The following KCNB2 variants were observed in gnomAD, a reference collection of about 807,000 sequenced individuals.
KCNB2 encodes the protein delayed rectifier potassium channel protein.
KCNB2 carries 15 observed loss-of-function variants against 61.5 expected under a neutral mutation model. The ratio of observed to expected loss-of-function variants is 0.24; its 90% CI spans 0.16 to 0.38. The LOEUF (loss-of-function observed/expected upper bound fraction) is 0.38. Among genes scored for constraint, KCNB2 ranks in the 10% least tolerant of loss-of-function variants. The pLI is 1.00. For missense variants in KCNB2, 828 were observed against 1,125.2 expected, an observed-to-expected ratio of 0.74 and a Z score of 3.78; for synonymous variants, 457 against 446.0, an observed-to-expected ratio of 1.02 and a Z score of -0.31.
At chr8:72,868,396 G>A (rs1306600437) in intron 2 of KCNB2, among the ~76,000 whole-genome samples, 3 of 151,714 alleles carry the variant, frequency 2.0e-5, no homozygotes, top group African/African-American at 4.8e-5. Context: ...TGACCAACAT[G>A]GTGAAACCCC....
chr8:72,554,233 A>G (rs972504019), intron 1 of KCNB2, among the ~76,000 whole-genome samples: 4 of 152,112 alleles, frequency 2.6e-5, no homozygotes, highest in Non-Finnish European at 5.9e-5. Context: ...GGGCTACTTT[A>G]CCCAATTTTG....
Position 72,722,683 on chromosome 8 carries a change from C to T in KCNB2, c.579+154370C>T, listed in dbSNP as rs148303148. 1.3e-3 allele frequency among the ~76,000 whole-genome samples: 200 copies of T among 152,312 alleles called. 4 individuals carry two copies. The East Asian group carries it at 0.034, about 26-fold the overall frequency. On this transcript the variant is annotated intron_variant, in intron 2 of 2. Coordinates refer to ENST00000523207, the MANE Select transcript of KCNB2 (RefSeq NM_004770.3). ...AATAAATGGACAAAATGGTTCTAGG[C>T]ATATGCAAGTTAAAGCACACTTTGC...
At chr8:72,563,428 G>T (rs960469753) in intron 1 of KCNB2, among the ~76,000 whole-genome samples, 3 of 152,112 alleles carry the variant, frequency 2.0e-5, no homozygotes, top group Non-Finnish European at 4.4e-5. Context: ...CTGTTTAGAT[G>T]TTTTTATCTC....
chr8:72,604,695 A>C (rs1349280355), intron 2 of KCNB2, among the ~76,000 whole-genome samples: 3 of 152,206 alleles, frequency 2.0e-5, no homozygotes, highest in Admixed American at 6.5e-5. Flanking sequence ...GTACCCATTT[A>C]AATTAACATT....
At chr8:72,770,102 C>T (rs1808535881) in intron 2 of KCNB2, among the ~76,000 whole-genome samples, 1 of 152,158 alleles carries the variant, frequency 6.6e-6, no homozygotes, top group African/African-American at 2.4e-5. Flanking sequence ...GAATAACAGC[C>T]CTTCAAACTA....
chr8:72,692,122 A>C (rs34359914), intron 2 of KCNB2, among the ~76,000 whole-genome samples: 1 of 151,232 alleles, frequency 6.6e-6, no homozygotes, highest in Non-Finnish European at 1.5e-5. Context: ...TGTAGTCCCA[A>C]CTACTCGGGA....
rs61090576 is a variant in KCNB2 at position 72,821,641 on chromosome 8, C to CAAAAAAAAAA, written c.580-114284_580-114275dup. ...TCCTACACACACACACAAAAAAAAA[C>CAAAAAAAAAA]AAAAAAAAAAAAAAAAAAACACACA... On this transcript the variant is annotated intron_variant, in intron 2 of 2. Coordinates refer to ENST00000523207, the MANE Select transcript of KCNB2 (RefSeq NM_004770.3). Among the ~76,000 whole-genome samples, 64 of 125,632 alleles carry CAAAAAAAAAA rather than the reference C, an allele frequency of 5.1e-4. 1 individual carries two copies. The highest frequency in any genetic ancestry group is 8.1e-4 in the Non-Finnish European group (50 of 61,714). 82.4% of individuals were successfully genotyped at this position (125,632 alleles called of 152,430 possible). A position where few individuals can be genotyped will look rare whatever the true frequency, so the allele number is the denominator to read the frequency against.
At chr8:72,702,607 C>T (rs1438074612) in intron 2 of KCNB2, among the ~76,000 whole-genome samples, 1 of 152,104 alleles carries the variant, frequency 6.6e-6, no homozygotes, top group Non-Finnish European at 1.5e-5. Context: ...TGTCTCAGAC[C>T]ACCACTCTTG....
intron 2 of KCNB2, among the ~76,000 whole-genome samples, chr8:72,767,811 G>A (rs1465667120): frequency 1.3e-5 from 2 of 152,158 alleles, no homozygotes; most frequent in Non-Finnish European, 2.9e-5. Flanking sequence ...CAAAATGCCT[G>A]CATAATTTTG....
At chr8:72,852,606 A>T (rs1049415025) in intron 2 of KCNB2, among the ~76,000 whole-genome samples, 1 of 152,226 alleles carries the variant, frequency 6.6e-6, no homozygotes, top group Admixed American at 6.5e-5. Flanking sequence ...GATAATCTAC[A>T]ACTGAATACG....
chr8:72,715,931 GAA>G (rs1338134647), intron 2 of KCNB2, among the ~76,000 whole-genome samples: 5 of 152,120 alleles, frequency 3.3e-5, no homozygotes, highest in African/African-American at 1.2e-4. Context: ...TAATAAAGAA[GAA>G]AAGAGAGAAG....
chr8:72,865,542 T>C (rs1181485548), intron 2 of KCNB2, among the ~76,000 whole-genome samples: 1 of 152,296 alleles, frequency 6.6e-6, no homozygotes, highest in South Asian at 2.1e-4. Flanking sequence ...GTGATGATAA[T>C]CATTATAAAA....
chr8:72,807,347 T>C (rs984942393), intron 2 of KCNB2, among the ~76,000 whole-genome samples: 2 of 152,212 alleles, frequency 1.3e-5, no homozygotes, highest in Non-Finnish European at 2.9e-5. Flanking sequence ...TACAAGGTTC[T>C]TGTGAGAATC....
At chr8:72,744,585 A>C (rs1808025038) in intron 2 of KCNB2, among the ~76,000 whole-genome samples, 1 of 152,186 alleles carries the variant, frequency 6.6e-6, no homozygotes, top group African/African-American at 2.4e-5. Context: ...TGGGCTAGGA[A>C]GTAGCTCCAG....
intron 2 of KCNB2, among the ~76,000 whole-genome samples, chr8:72,770,831 G>T (rs993710970): frequency 3.9e-5 from 6 of 152,222 alleles, no homozygotes; most frequent in Admixed American, 3.3e-4. Context: ...AAATAATTAT[G>T]TGTATTCATT....
At chr8:72,892,904 A>T (rs1371276416) in intron 2 of KCNB2, among the ~76,000 whole-genome samples, 1 of 152,192 alleles carries the variant, frequency 6.6e-6, no homozygotes, top group African/African-American at 2.4e-5. Flanking sequence ...AAATGTACTT[A>T]AGGAAATGGC....
chr8:72,865,601 T>G (rs1298033199), intron 2 of KCNB2, among the ~76,000 whole-genome samples: 1 of 152,188 alleles, frequency 6.6e-6, no homozygotes, highest in Non-Finnish European at 1.5e-5. Context: ...TCTTCACCCC[T>G]CCTTCGTTGC....
At chr8:72,826,151 C>T (rs1185676076) in intron 2 of KCNB2, among the ~76,000 whole-genome samples, 1 of 152,200 alleles carries the variant, frequency 6.6e-6, no homozygotes, top group East Asian at 1.9e-4. Context: ...TTGGAAATCT[C>T]ATATGCAACT....
chr8:72,603,844 C>T (rs552907227), intron 2 of KCNB2, among the ~76,000 whole-genome samples: 1 of 152,190 alleles, frequency 6.6e-6, no homozygotes, highest in East Asian at 1.9e-4. Flanking sequence ...TGTAAAGAGA[C>T]ACAGGGAGCA....
Sources: gnomAD v4.1 joint callset for allele counts (sites outside exome capture counted in the v4.1 genomes callset) on GRCh38, gnomAD v4.1.1 for gene constraint, MANE v1.5 for transcripts, NCBI Gene and HGNC (gene_info 2026-07-23, HGNC 2026-07-21) for gene names.